RIMBP2: variants seen among roughly 807,000 people sequenced by gnomAD.
RIMBP2 encodes the protein RIMS-binding protein 2.
In RIMBP2, 48 loss-of-function variants were observed where a neutral mutation model predicts 118.6. The observed-to-expected ratio is 0.40, with a 90% CI of 0.32 to 0.51. The LOEUF is 0.51. RIMBP2 is among the 20% of genes least tolerant of loss of function. The pLI, the probability that RIMBP2 is intolerant of heterozygous loss-of-function variation, is 0.41. For synonymous variants in RIMBP2, 762 were observed against 742.9 expected (o/e 1.03, Z -0.42); for missense variants, 1,551 against 1,768.3 (o/e 0.88, Z 2.20).
rs530233132 is a variant in RIMBP2, at chr12:130,556,221, C to T, written c.-216-38304G>A. On this transcript the variant is annotated intron_variant, in intron 2 of 22. Coordinates refer to ENST00000690449, the MANE Select transcript of RIMBP2 (RefSeq NM_001393629.1). ...CCTGGCAACGTGCACTCTGTCTGCC[C>T]GGATCTTCATTAGCCGGCTGCAGGA... 3.9e-5 allele frequency among the ~76,000 whole-genome samples: 6 copies of T among 152,302 alleles called. No individual in the cohort carries two copies. In the East Asian group the frequency reaches 7.7e-4, roughly 20 times the overall value.
intron 1 of RIMBP2, among the ~76,000 whole-genome samples, chr12:130,686,871 A>G (rs963235300): frequency 6.6e-6 from 1 of 152,184 alleles, no homozygotes; most frequent in Non-Finnish European, 1.5e-5. Context: ...GGCCGCTACG[A>G]GCCCAGAAGG....
intron 12 of RIMBP2, 54 bp downstream of exon 12, chr12:130,438,311 C>A: frequency 6.3e-7 from 1 of 1,596,860 alleles, no homozygotes; most frequent in South Asian, 1.1e-5. Context: ...CCGGGCCGGT[C>A]CCTGCTGCGT....
In RIMBP2 at chr12:130,450,387, CCTGAGACTGTGGCACT is replaced by C. The variant is rs2078900005; in HGVS notation, c.505-127_505-112del. On this transcript the variant is annotated intron_variant, in intron 8 of 22. Coordinates refer to ENST00000690449, the MANE Select transcript of RIMBP2 (RefSeq NM_001393629.1). This position sits in a 1 kb window ranked among gnomAD's most constrained non-coding sequence, Gnocchi z 4.8. The stretch of plus-strand genomic sequence containing the variant: ...GCTTCCTGGGCCCCAGGAGGGACGG[CCTGAGACTGTGGCACT>C]CCCAGGAGGCACTGCCACCCGCACA... The C allele has an allele frequency of 1.3e-6, 1 of 771,450 alleles. No individual in the cohort carries two copies. Among genetic ancestry groups the C allele is most frequent in the African/African-American group, 1.7e-5 (1 of 57,864 alleles). 47.8% of individuals were successfully genotyped at this position (771,450 alleles called of 1,614,324 possible). A position where few individuals can be genotyped will look rare whatever the true frequency, so the allele number is the denominator to read the frequency against.
At chr12:130,506,132 CA>C (rs2050320709) in intron 4 of RIMBP2, among the ~76,000 whole-genome samples, 1 of 152,004 alleles carries the variant, frequency 6.6e-6, no homozygotes, top group Non-Finnish European at 1.5e-5. Context: ...AACTCAGTGG[CA>C]TCAATAGCAA....
intron 2 of RIMBP2, among the ~76,000 whole-genome samples, chr12:130,575,326 C>G (rs564538188): frequency 6.6e-6 from 1 of 150,888 alleles, no homozygotes; most frequent in African/African-American, 2.4e-5. Flanking sequence ...ATGGACATGC[C>G]GCAGAGGCAA....
intron 2 of RIMBP2, among the ~76,000 whole-genome samples, chr12:130,592,995 G>A (rs2059363485): frequency 6.6e-6 from 1 of 152,184 alleles, no homozygotes; most frequent in Admixed American, 6.5e-5. Context: ...CTGCGTTGCT[G>A]AAAACCCTCC....
At chr12:130,676,762 C>A (rs377228961) in intron 1 of RIMBP2, among the ~76,000 whole-genome samples, 3 of 152,174 alleles carry the variant, frequency 2.0e-5, no homozygotes, top group Non-Finnish European at 4.4e-5. Flanking sequence ...TGAGAAGAGA[C>A]GGTTCCAGAC....
At chr12:130,410,343 C>T (rs963573865) in intron 19 of RIMBP2, among the ~76,000 whole-genome samples, 2 of 152,200 alleles carry the variant, frequency 1.3e-5, no homozygotes, top group Non-Finnish European at 2.9e-5. Context: ...TTTTATTCTG[C>T]ACTTTTTAAG....
In RIMBP2 at chr12:130,621,404, G is replaced by T. The variant is rs1019182620; in HGVS notation, c.-217+6918C>A. Among the ~76,000 whole-genome samples, 3 of 152,194 alleles carry T rather than the reference G, an allele frequency of 2.0e-5. No homozygotes were observed. Among genetic ancestry groups the T allele is most frequent in the African/African-American group, 7.2e-5 (3 of 41,448 alleles). ...CTGATTAAAGACTGACGCCAACACAGAGGAAAAGGATGGAGATTCCCAAAA... is the reference window on the plus strand; with the variant it reads ...CTGATTAAAGACTGACGCCAACACATAGGAAAAGGATGGAGATTCCCAAAA... On this transcript the variant is annotated intron_variant, in intron 2 of 22. Transcript: ENST00000690449. This position sits in a 1 kb window ranked among gnomAD's most constrained non-coding sequence, Gnocchi z 6.6.
intron 2 of RIMBP2, among the ~76,000 whole-genome samples, chr12:130,573,879 C>A (rs553846542): frequency 4.0e-4 from 61 of 152,144 alleles, no homozygotes; most frequent in Non-Finnish European, 7.3e-4. Context: ...CCCCAACATG[C>A]TCCCCTCCAG....
intron 2 of RIMBP2, among the ~76,000 whole-genome samples, chr12:130,526,550 T>C (rs1175514124): frequency 6.6e-6 from 1 of 152,212 alleles, no homozygotes; most frequent in Non-Finnish European, 1.5e-5. Flanking sequence ...ACAGCGAGTT[T>C]GGGTTTTGAA....
Position 130,525,654 on chromosome 12 carries a change from G to A in RIMBP2, c.-216-7737C>T, listed in dbSNP as rs986195400. Among the ~76,000 whole-genome samples the A allele has an allele frequency of 6.6e-6, 1 of 152,134 alleles. No homozygotes were observed. Among genetic ancestry groups the A allele is most frequent in the Non-Finnish European group, 1.5e-5 (1 of 68,032 alleles). On this transcript the variant is annotated intron_variant, in intron 2 of 22. Coordinates refer to ENST00000690449, the MANE Select transcript of RIMBP2 (RefSeq NM_001393629.1). This position sits in a 1 kb window ranked among gnomAD's most constrained non-coding sequence, Gnocchi z 4.4. ...GATGGACACATGGGGAAGGCATGAG[G>A]GCAGCAGAGAGAAGGACGGGGCACT...
rs142999801 is a variant in RIMBP2, at chr12:130,518,593, C to T, written c.-216-676G>A. Among the ~76,000 whole-genome samples the T allele has an allele frequency of 7.4e-3, 1,132 of 152,224 alleles. 12 individuals carry two copies. Among genetic ancestry groups the T allele is most frequent in the African/African-American group, 0.026 (1,081 of 41,530 alleles). On this transcript the variant is annotated intron_variant, in intron 2 of 22. Transcript: ENST00000690449. ...CCAGAGCTTTTATGGGGTCATGCAC[C>T]TAGAGAGGCAAGAGGGAGAAAACTC...
At chr12:130,643,349 C>G (rs1014813218) in intron 1 of RIMBP2, among the ~76,000 whole-genome samples, 14 of 152,320 alleles carry the variant, frequency 9.2e-5, no homozygotes, top group Admixed American at 2.6e-4. Context: ...GTGAGCCCCA[C>G]AAGCGACCAG....
intron 1 of RIMBP2, among the ~76,000 whole-genome samples, chr12:130,674,657 C>G (rs1399526150): frequency 6.6e-6 from 1 of 152,164 alleles, no homozygotes; most frequent in Non-Finnish European, 1.5e-5. Context: ...TTATACAATA[C>G]AGTGGCATGG....
chr12:130,509,885 T>C (rs1454727486), intron 3 of RIMBP2, among the ~76,000 whole-genome samples: 3 of 152,362 alleles, frequency 2.0e-5, no homozygotes, highest in East Asian at 3.9e-4. Context: ...AGCACCATGA[T>C]GGCTCAGAGG....
chr12:130,531,263 A>G (rs2053345604), intron 2 of RIMBP2, among the ~76,000 whole-genome samples: 1 of 152,198 alleles, frequency 6.6e-6, no homozygotes, highest in South Asian at 2.1e-4. Context: ...AAGTACACAT[A>G]CCTGTATAAC....
At chr12:130,423,808 T>G (rs1337776396) in intron 16 of RIMBP2, among the ~76,000 whole-genome samples, 1 of 151,916 alleles carries the variant, frequency 6.6e-6, no homozygotes, top group African/African-American at 2.4e-5. Context: ...AGGATCCCTG[T>G]GAACACAAAC....
chr12:130,619,819 C>G (rs1437470273), intron 2 of RIMBP2, among the ~76,000 whole-genome samples: 1 of 152,188 alleles, frequency 6.6e-6, no homozygotes, highest in Non-Finnish European at 1.5e-5. Context: ...GCAAATGCTT[C>G]TGTTGCCTGG....
Sources: allele counts gnomAD v4.1 joint callset (sites outside exome capture counted in the v4.1 genomes callset), GRCh38; gene constraint gnomAD v4.1.1; non-coding constraint Gnocchi (gnomAD v3.1); transcripts MANE v1.5; gene names NCBI Gene and HGNC (gene_info 2026-07-23, HGNC 2026-07-21).